Variants in ZNF704 observed in about 807,000 individuals in gnomAD.
ZNF704 encodes zinc finger protein 704, also known as glucocorticoid induced gene 1.
Under a neutral mutation model 44.7 loss-of-function variants are expected in ZNF704, and 10 were observed. That is an observed-to-expected ratio of 0.22 (90% CI 0.14 to 0.38). ZNF704 has a LOEUF of 0.38. Ranked by LOEUF, ZNF704 falls within the 10% of genes least tolerant of loss-of-function variation. ZNF704 has a pLI of 1.00. For synonymous variants in ZNF704, 211 were observed against 207.6 expected (o/e 1.02, Z -0.14); for missense variants, 390 against 545.5 (o/e 0.71, Z 2.84).
At chr8:80,778,240 A>T (rs1807448886) in intron 2 of ZNF704, among the ~76,000 whole-genome samples, 1 of 152,208 alleles carries the variant, frequency 6.6e-6, no homozygotes, top group South Asian at 2.1e-4. Flanking sequence ...TATGGCCAAT[A>T]AGCATATTAA....
chr8:80,815,084 T>C (rs1258797605), intron 2 of ZNF704, among the ~76,000 whole-genome samples: 1 of 152,218 alleles, frequency 6.6e-6, no homozygotes, highest in African/African-American at 2.4e-5. Context: ...AATGTGTTTC[T>C]GAAGTTCTTT....
intron 7 of ZNF704, among the ~76,000 whole-genome samples, chr8:80,646,055 T>C (rs886408834): frequency 6.6e-6 from 1 of 152,172 alleles, no homozygotes; most frequent in Admixed American, 6.5e-5. Context: ...ATAAAGGCCC[T>C]AACAGAGGCT....
intron 5 of ZNF704, among the ~76,000 whole-genome samples, chr8:80,668,691 T>C (rs1309627268): frequency 2.0e-5 from 3 of 152,204 alleles, no homozygotes; most frequent in Non-Finnish European, 4.4e-5. Flanking sequence ...GTGCTTTTTA[T>C]ACAGGCATGG....
At chr8:80,712,191 T>C (rs73273056) in intron 2 of ZNF704, among the ~76,000 whole-genome samples, 11,281 of 152,206 alleles carry the variant, frequency 0.074, 1,397 homozygotes, top group African/African-American at 0.26. Context: ...AGGACGAGTT[T>C]GGCCCTACTA....
intron 1 of ZNF704, among the ~76,000 whole-genome samples, chr8:80,822,376 C>G (rs904178776): frequency 6.7e-6 from 1 of 150,348 alleles, no homozygotes; most frequent in African/African-American, 2.5e-5. Context: ...GTGATGAACT[C>G]ATCCTTTTTT....
In ZNF704 at chr8:80,641,372, G is replaced by A. The variant is rs1157139053; in HGVS notation, c.1233C>T (p.Leu411=). Reference sequence around the variant, plus strand: ...CCCTCTGCCTGGGGGTCTCTCAGTCGAGGAACCTCTGGCAGGCCTTCTTCC... The same window carrying A: ...CCCTCTGCCTGGGGGTCTCTCAGTCAAGGAACCTCTGGCAGGCCTTCTTCC... ...CRWKKACQRF[L]D is the part of the protein sequence containing the mutation. The change falls in exon 9 of 9, where the codon CTC becomes CTT. Residue 411 remains leucine, a synonymous_variant. Transcript: ENST00000327835. 9 of 1,612,038 alleles carry A rather than the reference G, an allele frequency of 5.6e-6. No homozygotes were observed. The East Asian group carries it at 8.9e-5, about 16-fold the overall frequency.
intron 2 of ZNF704, among the ~76,000 whole-genome samples, chr8:80,792,648 A>G (rs983811245): frequency 6.6e-6 from 1 of 152,320 alleles, no homozygotes; most frequent in South Asian, 2.1e-4. Flanking sequence ...CTTTTAACAC[A>G]TCAGGAGTAA....
At chr8:80,822,573 G>A (rs1430352150) in intron 1 of ZNF704, among the ~76,000 whole-genome samples, 3 of 152,142 alleles carry the variant, frequency 2.0e-5, no homozygotes, top group Admixed American at 6.5e-5. Flanking sequence ...GTAATGGGAT[G>A]GCTGGGTCAT....
At chr8:80,733,316 C>A (rs906179424) in intron 2 of ZNF704, among the ~76,000 whole-genome samples, 6 of 152,150 alleles carry the variant, frequency 3.9e-5, no homozygotes, top group African/African-American at 1.4e-4. Flanking sequence ...ATGCACACTG[C>A]CTTATCTCCT....
chr8:80,831,884 T>A (rs908084161), intron 1 of ZNF704, among the ~76,000 whole-genome samples: 1 of 152,208 alleles, frequency 6.6e-6, no homozygotes, highest in Non-Finnish European at 1.5e-5. Flanking sequence ...CACATTAGGA[T>A]TGATTTAAAG....
intron 2 of ZNF704, among the ~76,000 whole-genome samples, chr8:80,791,810 A>G (rs1807713233): frequency 1.3e-5 from 2 of 152,188 alleles, no homozygotes. Flanking sequence ...GGAAGTGATG[A>G]GTTCAGCCAG....
At chr8:80,676,707 A>G (rs1818371960) in intron 4 of ZNF704, among the ~76,000 whole-genome samples, 1 of 152,236 alleles carries the variant, frequency 6.6e-6, no homozygotes, top group Non-Finnish European at 1.5e-5. Context: ...GACCGGTTTC[A>G]TGGAAGGCAA....
At chr8:80,706,129 A>C (rs1328586597) in intron 2 of ZNF704, among the ~76,000 whole-genome samples, 1 of 151,866 alleles carries the variant, frequency 6.6e-6, no homozygotes, top group Non-Finnish European at 1.5e-5. Context: ...TGCACCTCTC[A>C]CTCTTACGTC....
In ZNF704 at chr8:80,638,496, G is replaced by GAGA. The variant is rs981396570; in HGVS notation, c.*2867_*2869dup. On this transcript the variant is annotated 3_prime_UTR_variant, in exon 9 of 9. Coordinates refer to ENST00000327835, the MANE Select transcript of ZNF704 (RefSeq NM_001033723.3). ...CCTCCCAGCCAAACGAACACACACA[G>GAGA]AGAACTTGGTTCCACAGAGATGGCA... The GAGA allele has an allele frequency of 8.5e-5, 13 of 152,396 alleles. No homozygotes were observed. The highest frequency in any genetic ancestry group is 3.1e-4 in the African/African-American group (13 of 41,360). 9.4% of individuals were successfully genotyped at this position (152,396 alleles called of 1,614,324 possible). A position where few individuals can be genotyped will look rare whatever the true frequency, so the allele number is the denominator to read the frequency against.
rs1817801837 is a variant in ZNF704, at chr8:80,644,858, A to G, written c.1033-1729T>C. ...AAGTGAGAAGCAAGAAGGCAACATA[A>G]TAATGTTATCTGAAAGATGTTAGGA... On this transcript the variant is annotated intron_variant, in intron 7 of 8. Coordinates refer to ENST00000327835, the MANE Select transcript of ZNF704 (RefSeq NM_001033723.3). The G allele has an allele frequency of 1.9e-5, 14 of 719,690 alleles. No homozygotes were observed. The South Asian group carries it at 2.2e-4, about 11-fold the overall frequency. The allele number at this position is 719,690 out of a possible 1,614,324, so 44.6% of individuals were successfully genotyped here. A position where few individuals can be genotyped will look rare whatever the true frequency, so the allele number is the denominator to read the frequency against.
chr8:80,834,254 G>C (rs1471994728), intron 1 of ZNF704, among the ~76,000 whole-genome samples: 1 of 152,124 alleles, frequency 6.6e-6, no homozygotes, highest in African/African-American at 2.4e-5. Context: ...CAAATGGTCA[G>C]TATCTAGTGT....
At chr8:80,832,902 T>G (rs566147714) in intron 1 of ZNF704, among the ~76,000 whole-genome samples, 2 of 152,300 alleles carry the variant, frequency 1.3e-5, no homozygotes, top group African/African-American at 4.8e-5. Context: ...TAACACATAA[T>G]AAGACACATT....
At chr8:80,722,628 T>C (rs957506779) in intron 2 of ZNF704, among the ~76,000 whole-genome samples, 13 of 152,250 alleles carry the variant, frequency 8.5e-5, no homozygotes, top group Admixed American at 4.6e-4. Flanking sequence ...CAGCACCTAG[T>C]TTGTCATCAA....
intron 2 of ZNF704, among the ~76,000 whole-genome samples, chr8:80,796,221 C>G (rs934901963): frequency 6.6e-6 from 1 of 152,150 alleles, no homozygotes; most frequent in Non-Finnish European, 1.5e-5. Context: ...AGCCTTATTG[C>G]TGGTGGGAAC....
Sources: allele counts gnomAD v4.1 joint callset (sites outside exome capture counted in the v4.1 genomes callset), GRCh38; gene constraint gnomAD v4.1.1; transcripts MANE v1.5; gene names NCBI Gene and HGNC (gene_info 2026-07-23, HGNC 2026-07-21).